ESRRB: variants seen among roughly 807,000 people sequenced by gnomAD.
ESRRB encodes steroid hormone receptor ERR2.
A neutral mutation model predicts 46.0 loss-of-function variants in ESRRB; 16 were observed. That is an observed-to-expected ratio of 0.35 (90% CI 0.24 to 0.53). The LOEUF is 0.53. Ranked by LOEUF, ESRRB falls within the 20% of genes least tolerant of loss-of-function variation. The probability of loss-of-function intolerance (pLI) is 0.93; values close to 1 mark genes in which losing one functional copy is unlikely to be tolerated. For synonymous variants in ESRRB, 246 were observed against 259.6 expected (o/e 0.95, Z 0.50); for missense variants, 488 against 607.4 (o/e 0.80, Z 2.07).
intron 1 of ESRRB, among the ~76,000 whole-genome samples, chr14:76,350,532 G>A (rs1013383366): frequency 3.3e-5 from 5 of 152,206 alleles, no homozygotes; most frequent in Admixed American, 3.3e-4. Context: ...GAAGCCACTA[G>A]TGTCTGTAAC....
In ESRRB at chr14:76,439,658, T is replaced by C. The variant is rs746745430; in HGVS notation, c.368T>C (p.Leu123Pro). The C allele has an allele frequency of 1.9e-6, 3 of 1,614,116 alleles. No individual in the cohort carries two copies. The African/African-American group carries it at 4.0e-5, about 22-fold the overall frequency. The change falls in exon 2 of 7, where the codon CTG (leucine) becomes CCG (proline). Residue 123 changes from leucine to proline, a missense_variant. By Grantham distance (98) the Leu-to-Pro change is moderately conservative (BLOSUM62 -3). Transcript: ENST00000644823. ...ATGCTCAACGCCATCCCCAAGCGCC[T>C]GTGCCTCGTGTGCGGGGACATTGCC... ...EYMLNAIPKR[L>P]CLVCGDIASG... is the part of the protein sequence containing the mutation.
At chr14:76,378,940 C>T (rs1884894914) in intron 1 of ESRRB, among the ~76,000 whole-genome samples, 1 of 152,186 alleles carries the variant, frequency 6.6e-6, no homozygotes, top group East Asian at 1.9e-4. Context: ...GTATGCTCTG[C>T]TCACTGTTTT....
At chr14:76,426,026 G>T (rs937888172) in intron 1 of ESRRB, among the ~76,000 whole-genome samples, 1 of 152,234 alleles carries the variant, frequency 6.6e-6, no homozygotes, top group African/African-American at 2.4e-5. Flanking sequence ...CATGTTAGGG[G>T]GGATGACACT....
upstream of ESRRB, among the ~76,000 whole-genome samples, chr14:76,369,857 G>A (rs920043117): frequency 9.9e-5 from 15 of 152,202 alleles, no homozygotes; most frequent in South Asian, 1.7e-3. Flanking sequence ...TTAATTTTCC[G>A]AAAGTTTCCC....
intron 2 of ESRRB, among the ~76,000 whole-genome samples, chr14:76,449,145 TA>T (rs1179910535): frequency 1.3e-5 from 2 of 152,230 alleles, no homozygotes; most frequent in African/African-American, 2.4e-5. Context: ...GTTCTTTTTT[TA>T]TTTGTGTTGA....
At position 76,395,079 on chromosome 14, in the gene ESRRB, C is replaced by A. The variant is rs146014593; in HGVS notation, c.50+18628C>A. ...GTAGGCTCTTCTTTGCCCTTGGTGACCTCAGTAGGAGCTCTCCGTTTCCGA... is the reference window on the plus strand; with the variant it reads ...GTAGGCTCTTCTTTGCCCTTGGTGAACTCAGTAGGAGCTCTCCGTTTCCGA... On this transcript the variant is annotated intron_variant, in intron 1 of 6. Transcript: ENST00000644823. Among the ~76,000 whole-genome samples the A allele has an allele frequency of 1.1e-3, 164 of 152,090 alleles. 1 individual carries two copies. Among genetic ancestry groups the A allele is most frequent in the East Asian group, 6.4e-3 (33 of 5,166 alleles).
chr14:76,443,771 G>A (rs773873014), intron 2 of ESRRB, among the ~76,000 whole-genome samples: 2 of 152,184 alleles, frequency 1.3e-5, no homozygotes, highest in Admixed American at 6.5e-5. Flanking sequence ...AGGTGTCTGC[G>A]AATGTTCTCA....
chr14:76,345,432 A>T (rs1283207380), intron 1 of ESRRB, among the ~76,000 whole-genome samples: 1 of 152,250 alleles, frequency 6.6e-6, no homozygotes, highest in African/African-American at 2.4e-5. Context: ...GCCAACAAAC[A>T]TGAAAAAATG....
chr14:76,338,984 G>A (rs949502737), intron 1 of ESRRB, among the ~76,000 whole-genome samples: 2 of 152,112 alleles, frequency 1.3e-5, no homozygotes, highest in Non-Finnish European at 2.9e-5. Context: ...ACCTCAAAGG[G>A]ACCATGGATA....
intron 1 of ESRRB, among the ~76,000 whole-genome samples, chr14:76,317,107 T>G (rs1883809786): frequency 6.6e-6 from 1 of 152,176 alleles, no homozygotes; most frequent in Admixed American, 6.5e-5. Context: ...AACATCATTT[T>G]GGGTACGGGA....
At chr14:76,485,626 T>TGAGAGAGAGAGAGAGAGAGAGA (rs151021182) in intron 5 of ESRRB, among the ~76,000 whole-genome samples, 95 of 143,904 alleles carry the variant, frequency 6.6e-4, no homozygotes, top group East Asian at 5.6e-3. Flanking sequence ...TCCCTATCCC[T>TGAGAGAGAGAGAGAGAGAGAGA]GAGAGAGAGA....
At chr14:76,455,959 C>T (rs1281386873) in intron 2 of ESRRB, among the ~76,000 whole-genome samples, 1 of 151,654 alleles carries the variant, frequency 6.6e-6, no homozygotes, top group Non-Finnish European at 1.5e-5. Flanking sequence ...AGGAGAATCG[C>T]TTGAACCCGT....
At chr14:76,399,266 G>T (rs536009918) in intron 1 of ESRRB, among the ~76,000 whole-genome samples, 20 of 152,290 alleles carry the variant, frequency 1.3e-4, no homozygotes, top group African/African-American at 4.8e-4. Flanking sequence ...GAAGCTCCCT[G>T]TGACGGAGTC....
At position 76,482,775 on chromosome 14, in the gene ESRRB, CA is replaced by C. The variant is rs1436466655; in HGVS notation, c.850+17del. 1.2e-6 allele frequency: 2 copies of C among 1,613,650 alleles called. No individual in the cohort carries two copies. Among genetic ancestry groups the C allele is most frequent in the South Asian group, 2.2e-5 (2 of 91,056 alleles). On this transcript the variant is annotated intron_variant, in intron 5 of 6. Coordinates refer to ENST00000644823, the MANE Select transcript of ESRRB (RefSeq NM_001379180.1). The surrounding 1 kb of genome is among the most constrained non-coding windows in gnomAD (Gnocchi z 4.3). The stretch of plus-strand genomic sequence containing the variant: ...CACATCCCAGGTGAGCATGTGGGAC[CA>C]GGGGAGAGTGTGGCCAGGGACTCTC...
chr14:76,424,195 G>A (rs1887098967), intron 1 of ESRRB, among the ~76,000 whole-genome samples: 1 of 152,220 alleles, frequency 6.6e-6, no homozygotes, highest in African/African-American at 2.4e-5. Flanking sequence ...CATAGAGCAA[G>A]CCCTCCATAT....
intron 1 of ESRRB, among the ~76,000 whole-genome samples, chr14:76,427,586 G>A (rs1171229618): frequency 6.6e-6 from 1 of 152,204 alleles, no homozygotes; most frequent in Admixed American, 6.5e-5. Context: ...AATGACAGAA[G>A]GAGAGAGGGA....
rs1390205517 is a variant in ESRRB, at chr14:76,376,366, C to A, written c.-36C>A. 1.6e-6 allele frequency: 2 copies of A among 1,229,102 alleles called. No homozygotes were observed. The highest frequency in any genetic ancestry group is 2.0e-6 in the Non-Finnish European group (2 of 985,708). The allele number at this position is 1,229,102 out of a possible 1,614,324, so 76.1% of individuals were successfully genotyped here. A position where few individuals can be genotyped will look rare whatever the true frequency, so the allele number is the denominator to read the frequency against. On this transcript the variant is annotated 5_prime_UTR_variant, in exon 1 of 7. Coordinates refer to ENST00000644823, the MANE Select transcript of ESRRB (RefSeq NM_001379180.1). This position sits in a 1 kb window ranked among gnomAD's most constrained non-coding sequence, Gnocchi z 4.1. ...CTCTTCCGCGTGATTTCCCCGCCGT[C>A]TTTCTCTACCAACTGGGAATGCTAA...
chr14:76,469,125 G>A (rs1052453396), intron 3 of ESRRB, among the ~76,000 whole-genome samples: 6 of 151,422 alleles, frequency 4.0e-5, no homozygotes, highest in Admixed American at 2.0e-4. Context: ...ATGGAGTCTC[G>A]CTCTGTTGCC....
chr14:76,472,057 C>A (rs1398480245), intron 3 of ESRRB, among the ~76,000 whole-genome samples: 1 of 152,214 alleles, frequency 6.6e-6, no homozygotes, highest in Non-Finnish European at 1.5e-5. Context: ...AATGACAGAG[C>A]TGGGTGGAAT....
Sources: allele counts gnomAD v4.1 joint callset (sites outside exome capture counted in the v4.1 genomes callset), GRCh38; gene constraint gnomAD v4.1.1; non-coding constraint Gnocchi (gnomAD v3.1); transcripts MANE v1.5; gene names NCBI Gene and HGNC (gene_info 2026-07-23, HGNC 2026-07-21).